PRIM2: variants seen among roughly 807,000 people sequenced by gnomAD.
PRIM2 encodes the protein DNA primase subunit 2, also known as DNA primase large subunit.
PRIM2 carries 39 observed loss-of-function variants against 67.3 expected under a neutral mutation model. That is an observed-to-expected ratio of 0.58 (90% confidence interval 0.45 to 0.76). PRIM2 has a LOEUF of 0.76. Ranked by LOEUF, PRIM2 falls within the 30% of genes least tolerant of loss-of-function variation. PRIM2 has a pLI of 0.00. For synonymous variants in PRIM2, 143 were observed against 198.7 expected, an observed-to-expected ratio of 0.72 and a Z score of 2.36; for missense variants, 398 against 598.7, an observed-to-expected ratio of 0.66 and a Z score of 3.50.
At chr6:57,380,774 A>G (rs1769935806) in intron 6 of PRIM2, among the ~76,000 whole-genome samples, 1 of 149,090 alleles carries the variant, frequency 6.7e-6, no homozygotes, top group South Asian at 2.2e-4. Context: ...TATTTCTCTT[A>G]CACCACACAT....
At chr6:57,469,200 C>G (rs1479376899) in intron 7 of PRIM2, among the ~76,000 whole-genome samples, 1 of 152,220 alleles carries the variant, frequency 6.6e-6, no homozygotes, top group Non-Finnish European at 1.5e-5. Context: ...CCATCCTGAG[C>G]CTGAGTTTCC....
intron 5 of PRIM2, among the ~76,000 whole-genome samples, chr6:57,367,044 A>C (rs917527884): frequency 3.9e-5 from 6 of 152,132 alleles, no homozygotes; most frequent in African/African-American, 1.2e-4. Flanking sequence ...TGCCTATGCT[A>C]TTAAAAAAAC....
At chr6:57,398,127 T>G (rs1400555597) in intron 7 of PRIM2, among the ~76,000 whole-genome samples, 1 of 151,788 alleles carries the variant, frequency 6.6e-6, no homozygotes, top group Non-Finnish European at 1.5e-5. Flanking sequence ...ACCCAGGTAA[T>G]TTTTGTATTT....
At chr6:57,226,468 G>A in the PRIM2 span, among the ~76,000 whole-genome samples, 1 of 152,248 alleles carries the variant, frequency 6.6e-6, no homozygotes. Context: ...AAGGGAGCCA[G>A]TGTGCAGGAG....
At chr6:57,442,568 A>G (rs535552888) in intron 7 of PRIM2, among the ~76,000 whole-genome samples, 4 of 152,192 alleles carry the variant, frequency 2.6e-5, no homozygotes, top group South Asian at 4.2e-4. Context: ...TGCAGCACCA[A>G]TCCTCCTTTT....
At chr6:57,314,366 A>C (rs1486742875), upstream of PRIM2, among the ~76,000 whole-genome samples, 1 of 152,096 alleles carries the variant, frequency 6.6e-6, no homozygotes, top group Non-Finnish European at 1.5e-5. Flanking sequence ...AAAGCAAAAA[A>C]ATAGCTGGGC....
chr6:57,512,134 GGT>G (rs1774385480), intron 8 of PRIM2, among the ~76,000 whole-genome samples: 1 of 152,040 alleles, frequency 6.6e-6, no homozygotes, highest in African/African-American at 2.4e-5. Flanking sequence ...TGGTATGATG[GGT>G]GCTAATGGTA....
intron 5 of PRIM2, among the ~76,000 whole-genome samples, chr6:57,375,780 AT>A (rs1554331730): frequency 2.0e-5 from 3 of 151,742 alleles, no homozygotes; most frequent in Non-Finnish European, 4.4e-5. Flanking sequence ...ATTAAAAAAA[AT>A]TTTTTTTAGT....
chr6:57,461,654 C>A (rs1431014879), intron 7 of PRIM2, among the ~76,000 whole-genome samples: 1 of 151,990 alleles, frequency 6.6e-6, no homozygotes, highest in Non-Finnish European at 1.5e-5. Flanking sequence ...ATAGGAAATC[C>A]ATGTTTCATC....
chr6:57,427,993 C>T (rs1389062755), intron 7 of PRIM2, among the ~76,000 whole-genome samples: 8 of 151,824 alleles, frequency 5.3e-5, no homozygotes, highest in Admixed American at 6.6e-5. Context: ...GTGATTGTTT[C>T]CTAAGGGGAC....
At chr6:57,641,292 G>C (rs1777228527) in intron 13 of PRIM2, among the ~76,000 whole-genome samples, 2 of 152,164 alleles carry the variant, frequency 1.3e-5, no homozygotes, top group African/African-American at 4.8e-5. Context: ...AACCCTAGAA[G>C]AAAACCTAGG....
chr6:57,538,220 C>G lies in PRIM2; in HGVS notation c.1020+595C>G, dbSNP rs1357765483. On this transcript the variant is annotated intron_variant, in intron 10 of 13. Transcript: ENST00000615550. ...TTAATTTTTTGTAGAGATGGAGTCT[C>G]ACTATGTTGCCCAGGTTGGTCTCAA... is the stretch of plus-strand genomic sequence containing the variant. 9.2e-5 allele frequency among the ~76,000 whole-genome samples: 14 copies of G among 152,178 alleles called. No individual in the cohort carries two copies. The South Asian group carries it at 1.2e-3, about 14-fold the overall frequency.
At chr6:57,423,028 C>A (rs976239640) in intron 7 of PRIM2, among the ~76,000 whole-genome samples, 1 of 152,124 alleles carries the variant, frequency 6.6e-6, no homozygotes, top group Non-Finnish European at 1.5e-5. Flanking sequence ...TTCCTTGTAA[C>A]ACAAATGGCT....
At chr6:57,604,286 G>C (rs1776522874) in intron 11 of PRIM2, among the ~76,000 whole-genome samples, 1 of 152,062 alleles carries the variant, frequency 6.6e-6, no homozygotes, top group Non-Finnish European at 1.5e-5. Flanking sequence ...TCAAAAAAAA[G>C]AAATGCTACT....
At chr6:57,640,970 G>T (rs1222707764) in intron 13 of PRIM2, among the ~76,000 whole-genome samples, 72 of 150,798 alleles carry the variant, frequency 4.8e-4, no homozygotes, top group African/African-American at 1.7e-3. Flanking sequence ...GAGGCATCAC[G>T]CTACCTGACT....
the PRIM2 span, among the ~76,000 whole-genome samples, chr6:57,228,153 G>A: frequency 6.6e-6 from 1 of 152,182 alleles, no homozygotes; most frequent in African/African-American, 2.4e-5. Context: ...TTAGAAGCCA[G>A]AAAGAAGCCT....
chr6:57,491,592 C>A (rs1773893236), intron 7 of PRIM2, among the ~76,000 whole-genome samples: 1 of 152,002 alleles, frequency 6.6e-6, no homozygotes, highest in African/African-American at 2.4e-5. Flanking sequence ...CTTTTACAGC[C>A]ATAGATACAA....
chr6:57,418,163 G>A (rs1167626378), intron 7 of PRIM2, among the ~76,000 whole-genome samples: 5 of 152,056 alleles, frequency 3.3e-5, no homozygotes, highest in Non-Finnish European at 7.4e-5. Context: ...AAATGGCCAT[G>A]TAAAAATGCT....
chr6:57,646,762 A>T lies in PRIM2; in HGVS notation c.*604A>T, dbSNP rs1341173533. ...TAAAGTCCCCCAGAAACTACAATAA[A>T]GAACAACTTTTGTTTTAACTCTTAA... On this transcript the variant is annotated 3_prime_UTR_variant, in exon 14 of 14. Transcript: ENST00000615550. 1 of 152,240 alleles carries T rather than the reference A, an allele frequency of 6.6e-6. No individual in the cohort carries two copies. The highest frequency in any genetic ancestry group is 1.5e-5 in the Non-Finnish European group (1 of 68,058). The allele number at this position is 152,240 out of a possible 1,614,324, so 9.4% of individuals were successfully genotyped here.
Sources: gnomAD v4.1 joint callset for allele counts (sites outside exome capture counted in the v4.1 genomes callset) on GRCh38, gnomAD v4.1.1 for gene constraint, MANE v1.5 for transcripts, NCBI Gene and HGNC (gene_info 2026-07-23, HGNC 2026-07-21) for gene names.